Variants in PLD6 observed in about 807,000 individuals in gnomAD.
PLD6 encodes the protein phospholipase D family member 6, also known as mitochondrial cardiolipin hydrolase.
A neutral mutation model predicts 9.7 loss-of-function variants in PLD6; 10 were observed. That is an observed-to-expected ratio of 1.03 (90% CI 0.64 to 1.75). PLD6 has a LOEUF of 1.75. Among genes scored for constraint, PLD6 ranks in the 40% most tolerant of loss-of-function variants. The probability of loss-of-function intolerance (pLI) is 0.00; values close to 1 mark genes in which losing one functional copy is unlikely to be tolerated. For missense variants in PLD6, 334 were observed against 347.6 expected (o/e 0.96, Z 0.31); for synonymous variants, 152 against 159.2 (o/e 0.96, Z 0.34).
In PLD6 at chr17:17,202,517, T is replaced by A; in HGVS notation, c.*250A>T. 2.0e-6 allele frequency: 1 copy of A among 511,604 alleles called. No individual in the cohort carries two copies. The allele number at this position is 511,604 out of a possible 1,614,324, so 31.7% of individuals were successfully genotyped here. A position where few individuals can be genotyped will look rare whatever the true frequency, so the allele number is the denominator to read the frequency against. On this transcript the variant is annotated 3_prime_UTR_variant, in exon 2 of 2. Coordinates refer to ENST00000321560, the MANE Select transcript of PLD6 (RefSeq NM_178836.4). ...CAGAAGTTTCGATTCCAAACCAAGA[T>A]ACGGACCACACTCATGAAAGCACCC... is the stretch of plus-strand genomic sequence containing the variant.
Position 17,206,090 on chromosome 17 carries a change from G to C in PLD6, c.197C>G (p.Pro66Arg). 2.0e-6 allele frequency: 3 copies of C among 1,490,428 alleles called. No homozygotes were observed. The highest frequency in any genetic ancestry group is 2.7e-6 in the Non-Finnish European group (3 of 1,129,060). 92.3% of individuals were successfully genotyped at this position (1,490,428 alleles called of 1,614,324 possible). A position where few individuals can be genotyped will look rare whatever the true frequency, so the allele number is the denominator to read the frequency against. Residue 66 changes from proline to arginine, a missense_variant, in exon 1 of 2, where the codon CCC (proline) becomes CGC (arginine). By Grantham distance (103) the Pro-to-Arg change is moderately radical (BLOSUM62 -2). Transcript: ENST00000321560. ...RAPGAELAEL[P>R]EGCPCGLPHG... ...GGGCAGGCCGCACGGGCAGCCCTCG[G>C]GGAGCTCGGCCAGCTCCGCGCCCGG...
At position 17,202,010 on chromosome 17, in the gene PLD6, T is replaced by A. The variant is rs897852781; in HGVS notation, c.*757A>T. On this transcript the variant is annotated 3_prime_UTR_variant, in exon 2 of 2. Coordinates refer to ENST00000321560, the MANE Select transcript of PLD6 (RefSeq NM_178836.4). The stretch of plus-strand genomic sequence containing the variant: ...CAAAAAAGATAAATAAATAAATAAA[T>A]AAAATAAAAAAAGTTAAAAGCCCAA... 4 of 151,804 alleles carry A rather than the reference T, an allele frequency of 2.6e-5. No individual in the cohort carries two copies. The highest frequency in any genetic ancestry group is 7.3e-5 in the African/African-American group (3 of 41,276). 9.4% of individuals were successfully genotyped at this position (151,804 alleles called of 1,614,324 possible).
At position 17,202,857 on chromosome 17, in the gene PLD6, G is replaced by A. The variant is rs756524158; in HGVS notation, c.669C>T (p.His223=). ...TGGAGACAGGTGGGGCACAGCTTCC[G>A]TGACTTTTCTTTGGTGGGAAAAAGG... The part of the protein sequence containing the change: ...KYTFFPPKKS[H]GSCAPPVSRA... Residue 223 remains histidine, a synonymous_variant, in exon 2 of 2, where the codon CAC becomes CAT. Transcript: ENST00000321560. 14 of 1,614,156 alleles carry A rather than the reference G, an allele frequency of 8.7e-6. No individual in the cohort carries two copies. Among genetic ancestry groups the A allele is most frequent in the South Asian group, 7.7e-5 (7 of 91,078 alleles).
At chr17:17,205,765 C>T (rs572586111) in intron 1 of PLD6, 95 bp downstream of exon 1, 5 of 1,388,886 alleles carry the variant, frequency 3.6e-6, no homozygotes, top group Non-Finnish European at 4.8e-6. Flanking sequence ...GGCCTCAGCC[C>T]GTCCCCAGAC....
rs1346597858 is a variant in PLD6, at chr17:17,206,254, C to G, written c.33G>C (p.Ala11=). ...GAGTCAGAGCCAGGCCCACAGCCGC[C>G]GCGGCCGCCACCTGCCAACTCAACC... is the stretch of plus-strand genomic sequence containing the variant. MGRLSWQVAA[A]AAVGLALTLE... The change falls in exon 1 of 2, where the codon GCG becomes GCC. Residue 11 remains alanine (A), a synonymous_variant. Coordinates refer to ENST00000321560, the MANE Select transcript of PLD6 (RefSeq NM_178836.4). 3 of 1,544,888 alleles carry G rather than the reference C, an allele frequency of 1.9e-6. No individual in the cohort carries two copies. Among genetic ancestry groups the G allele is most frequent in the South Asian group, 1.2e-5 (1 of 85,290 alleles).
Position 17,206,223 on chromosome 17 carries a change from C to T in PLD6, c.64G>A (p.Ala22Thr). 2.6e-6 allele frequency: 4 copies of T among 1,543,036 alleles called. No individual in the cohort carries two copies. Among genetic ancestry groups the T allele is most frequent in the Non-Finnish European group, 2.6e-6 (3 of 1,155,338 alleles). Reference sequence around the variant, plus strand: ...AGCCAGCGCAGCACCCAAGGCAGCGCCTCCAGAGTCAGAGCCAGGCCCACA... The same window carrying T: ...AGCCAGCGCAGCACCCAAGGCAGCGTCTCCAGAGTCAGAGCCAGGCCCACA... Reference protein sequence around the residue: ...AAVGLALTLEALPWVLRWLRS... With the variant: ...AAVGLALTLETLPWVLRWLRS... The change falls in exon 1 of 2, where the codon GCG becomes ACG. Residue 22 changes from alanine (A) to threonine (T), a missense_variant. Ala to Thr is a moderately conservative substitution (Grantham distance 58). Transcript: ENST00000321560.
chr17:17,202,689 CG>C lies in PLD6; in HGVS notation c.*77del, dbSNP rs1468554091. 2.9e-6 allele frequency: 4 copies of C among 1,381,682 alleles called. No individual in the cohort carries two copies. The African/African-American group carries it at 5.8e-5, about 20-fold the overall frequency. 85.6% of individuals were successfully genotyped at this position (1,381,682 alleles called of 1,614,324 possible). A position where few individuals can be genotyped will look rare whatever the true frequency, so the allele number is the denominator to read the frequency against. Reference sequence around the variant, plus strand: ...TCTAATAGACGAGACTTTAGTTTAACGATTTTTTTCTAGTGCCGAGGTCTCC... The same window carrying C: ...TCTAATAGACGAGACTTTAGTTTAACATTTTTTTCTAGTGCCGAGGTCTCC... On this transcript the variant is annotated 3_prime_UTR_variant, in exon 2 of 2. Transcript: ENST00000321560.
chr17:17,206,120 C>G lies in PLD6; in HGVS notation c.167G>C (p.Arg56Pro). 1 of 1,485,540 alleles carries G rather than the reference C, an allele frequency of 6.7e-7. No individual in the cohort carries two copies. Among genetic ancestry groups the G allele is most frequent in the Non-Finnish European group, 8.9e-7 (1 of 1,126,928 alleles). 92.0% of individuals were successfully genotyped at this position (1,485,540 alleles called of 1,614,324 possible). The change falls in exon 1 of 2, where the codon CGG becomes CCG. Residue 56 changes from arginine (R) to proline (P), a missense_variant. Physicochemically the swap from Arg to Pro is moderately radical, Grantham distance 103. Coordinates refer to ENST00000321560, the MANE Select transcript of PLD6 (RefSeq NM_178836.4). The part of the protein sequence containing the change: ...SQVTCTEALL[R>P]APGAELAELP... ...CTCGGCCAGCTCCGCGCCCGGAGCCCGCAGCAGGGCCTCGGTACAGGTCAC... is the reference window on the plus strand; with the variant it reads ...CTCGGCCAGCTCCGCGCCCGGAGCCGGCAGCAGGGCCTCGGTACAGGTCAC...
chr17:17,205,742 G>T, intron 1 of PLD6, 118 bp downstream of exon 1: 4 of 1,202,676 alleles, frequency 3.3e-6, no homozygotes, highest in Non-Finnish European at 4.6e-6. Flanking sequence ...AAGGCCACGA[G>T]GAAAGTAAAT....
chr17:17,204,906 A>G (rs1381856704), intron 1 of PLD6, among the ~76,000 whole-genome samples: 15 of 152,154 alleles, frequency 9.9e-5, no homozygotes. Context: ...CTGAGGCCCA[A>G]GTCAACAAGA....
chr17:17,205,487 G>A (rs906221226), intron 1 of PLD6, among the ~76,000 whole-genome samples: 3 of 152,190 alleles, frequency 2.0e-5, no homozygotes, highest in Admixed American at 2.0e-4. Context: ...GCGTAGGAGG[G>A]CGGGCCCGGG....
Position 17,202,676 on chromosome 17 carries a change from G to A in PLD6, c.*91C>T. Reference sequence around the variant, plus strand: ...TTCAATTTAGTATTCTAATAGACGAGACTTTAGTTTAACGATTTTTTTCTA... The same window carrying A: ...TTCAATTTAGTATTCTAATAGACGAAACTTTAGTTTAACGATTTTTTTCTA... On this transcript the variant is annotated 3_prime_UTR_variant, in exon 2 of 2. Transcript: ENST00000321560. 1.6e-6 allele frequency: 2 copies of A among 1,237,472 alleles called. No homozygotes were observed. Among genetic ancestry groups the A allele is most frequent in the East Asian group, 4.7e-5 (2 of 42,524 alleles). The allele number at this position is 1,237,472 out of a possible 1,614,324, so 76.7% of individuals were successfully genotyped here.
chr17:17,204,562 G>A (rs1212407104), intron 1 of PLD6: 1 of 152,274 alleles, frequency 6.6e-6, no homozygotes, highest in Non-Finnish European at 1.5e-5. Flanking sequence ...AATGCCACTG[G>A]ACAGCCTCGA....
At chr17:17,205,316 T>C (rs1420307765) in intron 1 of PLD6, among the ~76,000 whole-genome samples, 3 of 152,132 alleles carry the variant, frequency 2.0e-5, no homozygotes, top group Non-Finnish European at 4.4e-5. Context: ...TTCTAGAACA[T>C]GTTCAGGTCT....
Position 17,202,743 on chromosome 17 carries a change from G to A in PLD6, c.*24C>T, listed in dbSNP as rs1273060710. 6.3e-7 allele frequency: 1 copy of A among 1,597,922 alleles called. No individual in the cohort carries two copies. The highest frequency in any genetic ancestry group is 8.6e-7 in the Non-Finnish European group (1 of 1,169,500). On this transcript the variant is annotated 3_prime_UTR_variant, in exon 2 of 2. Transcript: ENST00000321560. ...CCCTCAGAACGCACAGCAGCCCGCA[G>A]GGAGGGCTCAGCCCCATTCTTGGTT... is the stretch of plus-strand genomic sequence containing the variant.
In PLD6 at chr17:17,205,941, G is replaced by A; in HGVS notation, c.346C>T (p.Arg116Cys). ...GTGACGACCCGCACTCGCACCCCAC[G>A]CTGGTGCAGCAACTGCACGGCGCGG... ...LGRAVQLLHQ[R>C]GVRVRVVTDC... The change falls in exon 1 of 2, where the codon CGT becomes TGT. Residue 116 changes from arginine (R) to cysteine (C), a missense_variant. Coordinates refer to ENST00000321560, the MANE Select transcript of PLD6 (RefSeq NM_178836.4). 1.3e-6 allele frequency: 2 copies of A among 1,563,300 alleles called. No homozygotes were observed. Among genetic ancestry groups the A allele is most frequent in the South Asian group, 1.2e-5 (1 of 85,062 alleles).
chr17:17,205,071 T>A (rs1157009889), intron 1 of PLD6, among the ~76,000 whole-genome samples: 5 of 128,130 alleles, frequency 3.9e-5, no homozygotes, highest in African/African-American at 2.6e-4. Context: ...GCCTGAGTGA[T>A]GGAGACAGAG....
rs1417287738 is a variant in PLD6 at position 17,205,981 on chromosome 17, G to A, written c.306C>T (p.Ser102=). The A allele has an allele frequency of 1.3e-6, 2 of 1,553,962 alleles. No homozygotes were observed. Among genetic ancestry groups the A allele is most frequent in the African/African-American group, 1.4e-5 (1 of 73,606 alleles). Residue 102 remains serine, a synonymous_variant, in exon 1 of 2, where the codon TCC becomes TCT. Transcript: ENST00000321560. ...GCACGGCGCGGCCCAGCTGCGGGCT[G>A]GAGAAGGCGAACAGGCAGAGATCCA... ...ASLDLCLFAF[S]SPQLGRAVQL...
chr17:17,203,515 G>A (rs1390103317), intron 1 of PLD6, among the ~76,000 whole-genome samples: 9 of 152,356 alleles, frequency 5.9e-5, no homozygotes, highest in East Asian at 3.9e-4. Flanking sequence ...TCTGCCCAGA[G>A]AGGCCCCGGC....
Sources: gnomAD v4.1 joint callset for allele counts (sites outside exome capture counted in the v4.1 genomes callset) on GRCh38, gnomAD v4.1.1 for gene constraint, MANE v1.5 for transcripts, NCBI Gene and HGNC (gene_info 2026-07-23, HGNC 2026-07-21) for gene names.